GALNT13: variants seen among roughly 807,000 people sequenced by gnomAD.
GALNT13 encodes polypeptide N-acetylgalactosaminyltransferase 13.
In GALNT13, 28 loss-of-function variants were observed where a neutral mutation model predicts 64.2. The observed-to-expected ratio is 0.44, with a 90% CI of 0.32 to 0.60. The LOEUF is 0.60. Among genes scored for constraint, GALNT13 ranks in the 20% least tolerant of loss-of-function variants. The pLI, the probability that GALNT13 is intolerant of heterozygous loss-of-function variation, is 0.05. For synonymous variants in GALNT13, 214 were observed against 224.6 expected (o/e 0.95, Z 0.42); for missense variants, 577 against 669.8 (o/e 0.86, Z 1.53).
rs150501636 is a variant in GALNT13, at chr2:153,946,192, G to A, written c.142+1553G>A. Among the ~76,000 whole-genome samples the A allele has an allele frequency of 3.9e-3, 593 of 152,228 alleles. 2 individuals are homozygous for A. Among genetic ancestry groups the A allele is most frequent in the African/African-American group, 0.014 (567 of 41,562 alleles). On this transcript the variant is annotated intron_variant, in intron 3 of 12. Transcript: ENST00000392825. ...GTTTGGAATGATCACTCTGTCATTT[G>A]TTGAAGGAAACCATCTAGGTTGGTC...
At chr2:153,781,476 C>T in the GALNT13 span, among the ~76,000 whole-genome samples, 1 of 152,002 alleles carries the variant, frequency 6.6e-6, no homozygotes, top group Non-Finnish European at 1.5e-5. Context: ...AGATGTATAC[C>T]ATGCACTGGG....
the GALNT13 span, among the ~76,000 whole-genome samples, chr2:153,113,527 A>T: frequency 6.6e-6 from 1 of 152,036 alleles, no homozygotes; most frequent in Non-Finnish European, 1.5e-5. Context: ...AGCACATATG[A>T]AATATCTGGC....
the GALNT13 span, among the ~76,000 whole-genome samples, chr2:153,734,306 T>A: frequency 1.3e-5 from 2 of 152,144 alleles, no homozygotes; most frequent in Admixed American, 6.6e-5. Context: ...CTCTTCCTGA[T>A]AGTATTTACT....
At chr2:153,466,113 A>G in the GALNT13 span, among the ~76,000 whole-genome samples, 2 of 152,074 alleles carry the variant, frequency 1.3e-5, no homozygotes, top group African/African-American at 2.4e-5. Flanking sequence ...CTCTGTTGCA[A>G]TATCTCTTCT....
At chr2:153,918,790 C>T (rs1339148242) in intron 2 of GALNT13, among the ~76,000 whole-genome samples, 1 of 152,080 alleles carries the variant, frequency 6.6e-6, no homozygotes, top group Non-Finnish European at 1.5e-5. Flanking sequence ...CCCCTTAAAA[C>T]CAAAAATGCA....
the GALNT13 span, among the ~76,000 whole-genome samples, chr2:153,479,024 G>T: frequency 2.0e-5 from 3 of 152,250 alleles, no homozygotes; most frequent in South Asian, 6.2e-4. Flanking sequence ...AAACTCCAAA[G>T]GCCAGGCAGA....
chr2:153,628,139 G>A, the GALNT13 span, among the ~76,000 whole-genome samples: 1 of 152,042 alleles, frequency 6.6e-6, no homozygotes, highest in South Asian at 2.1e-4. Flanking sequence ...CTCATGATTT[G>A]GCTCTCTGTC....
chr2:153,109,348 C>T, the GALNT13 span, among the ~76,000 whole-genome samples: 1 of 152,060 alleles, frequency 6.6e-6, no homozygotes, highest in Admixed American at 6.6e-5. Flanking sequence ...TTTGTGGGCT[C>T]CAAGCATTTG....
At chr2:153,445,569 G>A in the GALNT13 span, among the ~76,000 whole-genome samples, 4 of 152,032 alleles carry the variant, frequency 2.6e-5, no homozygotes, top group East Asian at 7.7e-4. Context: ...GTAGAGACAG[G>A]GTTTTGCTGT....
intron 3 of GALNT13, among the ~76,000 whole-genome samples, chr2:154,125,069 C>A (rs1359878046): frequency 6.6e-6 from 1 of 152,100 alleles, no homozygotes; most frequent in East Asian, 1.9e-4. Flanking sequence ...TTTTATCACA[C>A]TGAGATGATT....
At chr2:153,758,148 C>T in the GALNT13 span, among the ~76,000 whole-genome samples, 4 of 152,150 alleles carry the variant, frequency 2.6e-5, no homozygotes, top group Admixed American at 6.5e-5. Flanking sequence ...CAGTTTGAGT[C>T]GCTTTTGTAT....
chr2:153,931,045 AGCTGTATT>A (rs1690478851), intron 2 of GALNT13, among the ~76,000 whole-genome samples: 1 of 145,836 alleles, frequency 6.9e-6, no homozygotes, highest in Non-Finnish European at 1.5e-5. Context: ...TGTCCTGGGT[AGCTGTATT>A]GCTGTATTCC....
In GALNT13 at chr2:154,242,186, C is replaced by T; in HGVS notation, c.468C>T (p.Ala156=). 6.2e-7 allele frequency: 1 copy of T among 1,607,362 alleles called. No individual in the cohort carries two copies. Among genetic ancestry groups the T allele is most frequent in the Non-Finnish European group, 8.5e-7 (1 of 1,178,166 alleles). Residue 156 remains alanine (A), a synonymous_variant, in exon 5 of 13, where the codon GCC becomes GCT. Transcript: ENST00000392825. ...CAGAGGTCATCTTGGTAGATGATGCCAGTGAAAGAGGTACAAACTGGTTTT... is the reference window on the plus strand; with the variant it reads ...CAGAGGTCATCTTGGTAGATGATGCTAGTGAAAGAGGTACAAACTGGTTTT... ...LLSEVILVDD[A]SERDFLKLTL...
intron 1 of GALNT13, among the ~76,000 whole-genome samples, chr2:153,876,014 T>C (rs976156423): frequency 6.6e-6 from 1 of 152,128 alleles, no homozygotes; most frequent in Non-Finnish European, 1.5e-5. Flanking sequence ...GATCACTGCT[T>C]TGAAGTCTGA....
the GALNT13 span, among the ~76,000 whole-genome samples, chr2:153,787,596 G>C: frequency 6.6e-6 from 1 of 152,244 alleles, no homozygotes; most frequent in South Asian, 2.1e-4. Context: ...ACTAGGGTGA[G>C]TTTGCTGAAA....
intron 4 of GALNT13, among the ~76,000 whole-genome samples, chr2:154,176,381 T>C (rs1685654675): frequency 3.3e-5 from 5 of 151,448 alleles, no homozygotes; most frequent in Admixed American, 3.3e-4. Flanking sequence ...TTCTCCTGAG[T>C]AGCTGGGACT....
chr2:153,984,295 C>A (rs1240751833), intron 3 of GALNT13, among the ~76,000 whole-genome samples: 1 of 151,576 alleles, frequency 6.6e-6, no homozygotes, highest in Non-Finnish European at 1.5e-5. Context: ...TAGTTAACAT[C>A]TTCAACACAG....
chr2:153,497,534 T>A, the GALNT13 span, among the ~76,000 whole-genome samples: 39 of 113,368 alleles, frequency 3.4e-4, 1 homozygote, highest in Non-Finnish European at 5.9e-4. Context: ...TTTTTTTTTT[T>A]TTTTTTTTTT....
chr2:153,564,164 GA>G, the GALNT13 span, among the ~76,000 whole-genome samples: 1 of 151,774 alleles, frequency 6.6e-6, no homozygotes, highest in Non-Finnish European at 1.5e-5. Context: ...TTCGTCACTA[GA>G]TTTTTTTGCA....
Sources: allele counts gnomAD v4.1 joint callset (sites outside exome capture counted in the v4.1 genomes callset), GRCh38; gene constraint gnomAD v4.1.1; transcripts MANE v1.5; gene names NCBI Gene and HGNC (gene_info 2026-07-23, HGNC 2026-07-21).